The following CCSER1 variants were observed in gnomAD, a reference collection of about 807,000 sequenced individuals.
CCSER1 encodes serine-rich coiled-coil domain-containing protein 1.
CCSER1 carries 41 observed loss-of-function variants against 82.0 expected under a neutral mutation model. That is an observed-to-expected ratio of 0.50 (90% CI 0.39 to 0.65). The LOEUF is 0.65. CCSER1 is among the 30% of genes least tolerant of loss of function. The probability of loss-of-function intolerance (pLI) is 0.00; values close to 1 mark genes in which losing one functional copy is unlikely to be tolerated. For missense variants in CCSER1, 1,119 were observed against 1,064.2 expected, an observed-to-expected ratio of 1.05 and a Z score of -0.72; for synonymous variants, 414 against 383.9, an observed-to-expected ratio of 1.08 and a Z score of -0.92.
chr4:90,192,244 A>T (rs528030871), intron 1 of CCSER1, among the ~76,000 whole-genome samples: 71 of 152,038 alleles, frequency 4.7e-4, no homozygotes, highest in African/African-American at 1.6e-3. Context: ...TAGCCATCAG[A>T]TCTTGTGAAA....
intron 1 of CCSER1, among the ~76,000 whole-genome samples, chr4:90,276,251 T>TTTCTTCCCTTCCTTCC (rs1727659770): frequency 1.0e-4 from 8 of 76,828 alleles, no homozygotes; most frequent in African/African-American, 4.1e-4. Context: ...TCTTTCTTTC[T>TTTCTTCCCTTCCTTCC]TTCCTTCCTT....
intron 6 of CCSER1, among the ~76,000 whole-genome samples, chr4:90,645,928 T>G (rs1727496193): frequency 1.3e-5 from 2 of 152,244 alleles, no homozygotes; most frequent in South Asian, 4.1e-4. Flanking sequence ...TAAATAATCT[T>G]GAATTGTTTC....
chr4:91,297,227 T>C (rs996335836), intron 10 of CCSER1, among the ~76,000 whole-genome samples: 3 of 149,690 alleles, frequency 2.0e-5, no homozygotes, highest in African/African-American at 7.6e-5. Context: ...AATAAACTTA[T>C]GTTATGTTTG....
intron 1 of CCSER1, among the ~76,000 whole-genome samples, chr4:90,255,234 T>G (rs1723065252): frequency 6.6e-6 from 1 of 152,158 alleles, no homozygotes; most frequent in Non-Finnish European, 1.5e-5. Flanking sequence ...ATTATAAAAA[T>G]TACATAGAAC....
intron 5 of CCSER1, among the ~76,000 whole-genome samples, chr4:90,508,553 G>A (rs1311488924): frequency 6.6e-6 from 1 of 151,996 alleles, no homozygotes; most frequent in Non-Finnish European, 1.5e-5. Context: ...CAAGAAAGGA[G>A]CAAACTCTAA....
intron 6 of CCSER1, among the ~76,000 whole-genome samples, chr4:90,650,648 C>T (rs760122746): frequency 1.1e-4 from 16 of 152,118 alleles, no homozygotes; most frequent in Non-Finnish European, 1.6e-4. Context: ...ATAAATAGTG[C>T]TTCTTGGTAT....
chr4:91,451,016 T>G (rs1755843100), intron 10 of CCSER1, among the ~76,000 whole-genome samples: 1 of 152,050 alleles, frequency 6.6e-6, no homozygotes, highest in Non-Finnish European at 1.5e-5. Context: ...TTCTCACATT[T>G]CTGGAGGCTG....
intron 10 of CCSER1, among the ~76,000 whole-genome samples, chr4:91,404,821 G>A (rs1752586515): frequency 6.6e-6 from 1 of 152,200 alleles, no homozygotes; most frequent in South Asian, 2.1e-4. Flanking sequence ...CCTACTATGT[G>A]GTCAATTTTG....
intron 1 of CCSER1, among the ~76,000 whole-genome samples, chr4:90,275,809 TAC>T (rs1317889560): frequency 6.6e-6 from 1 of 152,184 alleles, no homozygotes; most frequent in Non-Finnish European, 1.5e-5. Flanking sequence ...AAATTGATTA[TAC>T]AAGCATATTC....
At chr4:91,115,045 G>A (rs1454560405) in intron 10 of CCSER1, among the ~76,000 whole-genome samples, 1 of 151,990 alleles carries the variant, frequency 6.6e-6, no homozygotes, top group Non-Finnish European at 1.5e-5. Flanking sequence ...TATATTTCCA[G>A]TTTATTTCAA....
chr4:90,764,041 GAA>G (rs151020367), intron 7 of CCSER1, among the ~76,000 whole-genome samples: 3,866 of 152,154 alleles, frequency 0.025, 133 homozygotes, highest in African/African-American at 0.082. Flanking sequence ...AACATATCAG[GAA>G]AAACAGATAT....
At position 90,178,511 on chromosome 4, in the gene CCSER1, C is replaced by T. The variant is rs142781621; in HGVS notation, c.-42+50680C>T. Reference sequence around the variant, plus strand: ...GTTGTGAAGGCTTTGCTGGAAAACTCGAAGTTCCAAATGTGACATTTATTA... The same window carrying T: ...GTTGTGAAGGCTTTGCTGGAAAACTTGAAGTTCCAAATGTGACATTTATTA... On this transcript the variant is annotated intron_variant, in intron 1 of 10. Transcript: ENST00000509176. Among the ~76,000 whole-genome samples the T allele has an allele frequency of 3.0e-3, 449 of 151,998 alleles. 7 individuals carry two copies. The East Asian group carries it at 0.03, about 10-fold the overall frequency.
chr4:91,204,435 T>G (rs1736176939), intron 10 of CCSER1, among the ~76,000 whole-genome samples: 3 of 151,858 alleles, frequency 2.0e-5, no homozygotes, highest in South Asian at 4.1e-4. Context: ...AGTTTCATTT[T>G]GATGTGCTAC....
chr4:90,445,402 C>T (rs1234656021), intron 4 of CCSER1, among the ~76,000 whole-genome samples: 3 of 151,978 alleles, frequency 2.0e-5, no homozygotes, highest in Non-Finnish European at 4.4e-5. Flanking sequence ...TTTGTGATTG[C>T]AGTGATTATT....
At chr4:90,624,610 CA>C (rs1722942976) in intron 5 of CCSER1, among the ~76,000 whole-genome samples, 1 of 152,152 alleles carries the variant, frequency 6.6e-6, no homozygotes, top group Admixed American at 6.5e-5. Context: ...GCCAGTTCAC[CA>C]TCGTAGTTTA....
intron 8 of CCSER1, among the ~76,000 whole-genome samples, chr4:90,866,374 G>T (rs567414217): frequency 6.6e-6 from 1 of 152,100 alleles, no homozygotes; most frequent in South Asian, 2.1e-4. Flanking sequence ...TTTACAAAGG[G>T]TCTTTATAGT....
At chr4:90,501,148 G>A (rs1453207716) in intron 5 of CCSER1, among the ~76,000 whole-genome samples, 2 of 152,000 alleles carry the variant, frequency 1.3e-5, no homozygotes, top group Non-Finnish European at 2.9e-5. Flanking sequence ...TACCTTTGCT[G>A]ACCTTCATTA....
intron 10 of CCSER1, among the ~76,000 whole-genome samples, chr4:91,249,653 A>G (rs1740097087): frequency 6.6e-6 from 1 of 152,120 alleles, no homozygotes; most frequent in African/African-American, 2.4e-5. Context: ...TTTAAAAATC[A>G]GTTTTCATCT....
chr4:91,467,315 T>A (rs921571618), intron 10 of CCSER1, among the ~76,000 whole-genome samples: 2 of 152,224 alleles, frequency 1.3e-5, no homozygotes, highest in African/African-American at 4.8e-5. Context: ...AAGCTGAAAC[T>A]GGATCCCTTC....
Sources: allele counts gnomAD v4.1 joint callset (sites outside exome capture counted in the v4.1 genomes callset), GRCh38; gene constraint gnomAD v4.1.1; transcripts MANE v1.5; gene names NCBI Gene and HGNC (gene_info 2026-07-23, HGNC 2026-07-21).